The following PDE1C variants were observed in gnomAD, a reference collection of about 807,000 sequenced individuals.
The protein encoded by PDE1C is dual specificity calcium/calmodulin-dependent 3',5'-cyclic nucleotide phosphodiesterase 1C.
PDE1C carries 62 observed loss-of-function variants against 93.1 expected under a neutral mutation model. The observed-to-expected ratio is 0.67, with a 90% CI of 0.54 to 0.82. The LOEUF (loss-of-function observed/expected upper bound fraction) is 0.82, where lower values mean the gene tolerates loss of function less well. Ranked by LOEUF, PDE1C falls within the 40% of genes least tolerant of loss-of-function variation. The probability of loss-of-function intolerance (pLI) is 0.00; values close to 1 mark genes in which losing one functional copy is unlikely to be tolerated. For synonymous variants in PDE1C, 325 were observed against 310.1 expected (o/e 1.05, Z -0.50); for missense variants, 742 against 884.6 (o/e 0.84, Z 2.04).
chr7:32,216,069 T>C (rs1179480092), intron 1 of PDE1C, among the ~76,000 whole-genome samples: 2 of 152,210 alleles, frequency 1.3e-5, no homozygotes, highest in Admixed American at 6.5e-5. Flanking sequence ...CTAGTGACTA[T>C]AGAAGGTGAA....
intron 11 of PDE1C, among the ~76,000 whole-genome samples, chr7:31,828,943 GACA>G (rs1333923155): frequency 1.3e-5 from 2 of 152,106 alleles, no homozygotes; most frequent in Admixed American, 6.6e-5. Flanking sequence ...TATGAAGTTA[GACA>G]ACAATAAAAC....
chr7:32,053,827 T>A (rs1026103696), intron 1 of PDE1C, among the ~76,000 whole-genome samples: 19 of 152,148 alleles, frequency 1.2e-4, no homozygotes, highest in Admixed American at 4.6e-4. Context: ...CTCTGTAGGA[T>A]CCCCTCTCTG....
intron 9 of PDE1C, 29 bp from the exon 10 acceptor site, chr7:31,838,000 G>A (rs1374391221): frequency 1.4e-6 from 2 of 1,428,846 alleles, no homozygotes; most frequent in Non-Finnish European, 2.0e-6. Flanking sequence ...GAGAAAAAAG[G>A]ATGGAAGTCA....
intron 9 of PDE1C, among the ~76,000 whole-genome samples, chr7:31,839,376 G>A (rs1290474623): frequency 7.2e-6 from 1 of 138,950 alleles, no homozygotes; most frequent in African/African-American, 2.8e-5. Context: ...TATTAACACA[G>A]ATACTAGATA....
intron 17 of PDE1C, among the ~76,000 whole-genome samples, chr7:31,775,345 A>C (rs1795755304): frequency 6.6e-6 from 1 of 152,110 alleles, no homozygotes; most frequent in South Asian, 2.1e-4. Context: ...CTCACCACAG[A>C]CTCACACTAC....
At chr7:31,652,595 T>A in the PDE1C span, 3 of 1,612,902 alleles carry the variant, frequency 1.9e-6, no homozygotes, top group Non-Finnish European at 2.5e-6. Flanking sequence ...AAGAAAGCAA[T>A]GGGCAGACTT....
rs1042786502 is a variant in PDE1C at position 31,988,177 on chromosome 7, C to T, written c.128+63377G>A. 5.3e-5 allele frequency among the ~76,000 whole-genome samples: 8 copies of T among 152,280 alleles called. No homozygotes were observed. In the Middle Eastern group the frequency reaches 0.01, roughly 194 times the overall value. ...CACCCTCTGCCCTGCTGGGTCAGGC[C>T]CCCCAGTGGTGGCAACAACCCCCTG... On this transcript the variant is annotated intron_variant, in intron 2 of 17. Coordinates refer to ENST00000396191, the MANE Select transcript of PDE1C (RefSeq NM_001191057.4).
At chr7:32,150,374 T>C (rs1801166220) in intron 3 of PDE1C, among the ~76,000 whole-genome samples, 1 of 152,152 alleles carries the variant, frequency 6.6e-6, no homozygotes, top group African/African-American at 2.4e-5. Flanking sequence ...GCTGGCAGAA[T>C]TTCCAAACCC....
At chr7:31,791,949 G>A (rs575261890) in intron 16 of PDE1C, among the ~76,000 whole-genome samples, 121 of 152,200 alleles carry the variant, frequency 8.0e-4, no homozygotes, top group African/African-American at 2.8e-3. Flanking sequence ...CCCTCTGGCT[G>A]TGGATCTCCA....
At chr7:32,289,608 CA>C (rs1376888938) in intron 1 of PDE1C, among the ~76,000 whole-genome samples, 2 of 151,932 alleles carry the variant, frequency 1.3e-5, no homozygotes, top group African/African-American at 2.4e-5. Flanking sequence ...AGTTCCAACA[CA>C]GCAAAACCAA....
At chr7:32,022,547 G>A (rs1403436821) in intron 2 of PDE1C, among the ~76,000 whole-genome samples, 2 of 152,076 alleles carry the variant, frequency 1.3e-5, no homozygotes, top group Admixed American at 6.6e-5. Context: ...GGGGAGCACA[G>A]AAGGTGGTAT....
At chr7:32,388,678 TAAAAAAAAAAAAA>T (rs5883343) in intron 1 of PDE1C, among the ~76,000 whole-genome samples, 8 of 81,590 alleles carry the variant, frequency 9.8e-5, no homozygotes, top group Admixed American at 5.1e-4. Flanking sequence ...GTCCCATTTC[TAAAAAAAAAAAAA>T]AAAAAAAAAA....
At chr7:31,814,404 C>T (rs1324783565) in intron 15 of PDE1C, among the ~76,000 whole-genome samples, 1 of 151,956 alleles carries the variant, frequency 6.6e-6, no homozygotes, top group Non-Finnish European at 1.5e-5. Flanking sequence ...GGACAATGGC[C>T]TTCTGTGCCT....
At chr7:31,975,175 G>A (rs1811491414) in intron 2 of PDE1C, among the ~76,000 whole-genome samples, 1 of 152,120 alleles carries the variant, frequency 6.6e-6, no homozygotes, top group Non-Finnish European at 1.5e-5. Flanking sequence ...CTTCTGCCTA[G>A]AAGTCTTCCT....
At chr7:31,952,849 A>C (rs1304671754) in intron 2 of PDE1C, among the ~76,000 whole-genome samples, 7 of 152,156 alleles carry the variant, frequency 4.6e-5, no homozygotes, top group Non-Finnish European at 1.0e-4. Flanking sequence ...ACTGTCCTTC[A>C]TGGTATCACC....
chr7:32,069,740 C>G (rs192476898), intron 1 of PDE1C, among the ~76,000 whole-genome samples: 400 of 152,238 alleles, frequency 2.6e-3, no homozygotes, highest in African/African-American at 8.6e-3. Flanking sequence ...TTCTGCCCCC[C>G]CTTTCTCCAC....
At position 32,312,343 on chromosome 7, in the gene PDE1C, T is replaced by C. The variant is rs540032625; in HGVS notation, c.311-102804A>G. Among the ~76,000 whole-genome samples, 1,423 of 151,720 alleles carry C rather than the reference T, an allele frequency of 9.4e-3. 13 individuals carry two copies. Among genetic ancestry groups the C allele is most frequent in the Non-Finnish European group, 0.016 (1,085 of 67,810 alleles). ...TGGCCATACTGCCCAAGGTAATTTATAGATTCAATGCCATCCCCATCAAGC... is the reference window on the plus strand; with the variant it reads ...TGGCCATACTGCCCAAGGTAATTTACAGATTCAATGCCATCCCCATCAAGC... On this transcript the variant is annotated intron_variant, in intron 1 of 1. Transcript: ENST00000672256.
rs371570161 is a variant in PDE1C, at chr7:32,420,092, CATAT to C, written c.310+7726_310+7729del. Among the ~76,000 whole-genome samples, 87 of 16,348 alleles carry C rather than the reference CATAT, an allele frequency of 5.3e-3. 12 individuals are homozygous for C. Among genetic ancestry groups the C allele is most frequent in the Non-Finnish European group, 7.0e-3 (65 of 9,346 alleles). 10.7% of individuals were successfully genotyped at this position (16,348 alleles called of 152,430 possible). Reference sequence around the variant, plus strand: ...ATACAAAAATAGCCAGGTGTGGTGGCATATATATATATATATATATATATATATA... The same window carrying C: ...ATACAAAAATAGCCAGGTGTGGTGGCATATATATATATATATATATATATA... On this transcript the variant is annotated intron_variant, in intron 1 of 1. Coordinates refer to the PDE1C transcript ENST00000672256.
chr7:31,790,568 G>A (rs1002865094), intron 16 of PDE1C, among the ~76,000 whole-genome samples: 5 of 152,084 alleles, frequency 3.3e-5, no homozygotes, highest in Admixed American at 6.6e-5. Context: ...TGGAGATGAC[G>A]GTTTTGTTGC....
Sources: gnomAD v4.1 joint callset for allele counts (sites outside exome capture counted in the v4.1 genomes callset) on GRCh38, gnomAD v4.1.1 for gene constraint, MANE v1.5 for transcripts, NCBI Gene and HGNC (gene_info 2026-07-23, HGNC 2026-07-21) for gene names.